The following CAST variants were observed in gnomAD, a reference collection of about 807,000 sequenced individuals.
CAST encodes MIR583 host.
Under a neutral mutation model 119.6 loss-of-function variants are expected in CAST, and 76 were observed. That is an observed-to-expected ratio of 0.64 (90% CI 0.53 to 0.77). The LOEUF (loss-of-function observed/expected upper bound fraction) is 0.77. Among genes scored for constraint, CAST ranks in the 30% least tolerant of loss-of-function variants. The pLI is 0.00. For synonymous variants in CAST, 319 were observed against 331.6 expected (o/e 0.96, Z 0.41); for missense variants, 953 against 946.5 (o/e 1.01, Z -0.09).
chr5:96,125,607 A>G, the CAST span, among the ~76,000 whole-genome samples: 1 of 152,170 alleles, frequency 6.6e-6, no homozygotes, highest in African/African-American at 2.4e-5. Context: ...TCCTATTTGC[A>G]TAAAGGATAT....
intron 29 of CAST, chr5:96,770,036 G>T (rs531636087): frequency 6.5e-6 from 1 of 154,262 alleles, no homozygotes; most frequent in Non-Finnish European, 1.4e-5. Context: ...TGGGAGTGCA[G>T]ATATCTTTAT....
intron 1 of CAST, among the ~76,000 whole-genome samples, chr5:96,544,975 AAGG>A (rs1162845603): frequency 6.6e-6 from 1 of 152,212 alleles, no homozygotes. Flanking sequence ...ATTTAAAAGA[AAGG>A]AGACTTCAGA....
chr5:96,213,942 A>G, the CAST span, among the ~76,000 whole-genome samples: 5 of 152,192 alleles, frequency 3.3e-5, no homozygotes, highest in Non-Finnish European at 7.3e-5. Flanking sequence ...CATATACAGG[A>G]CTATACAAAA....
chr5:96,154,377 A>G, the CAST span, among the ~76,000 whole-genome samples: 17 of 152,192 alleles, frequency 1.1e-4, no homozygotes, highest in Non-Finnish European at 2.1e-4. Context: ...TTTTTAAAAA[A>G]TAACTTAAAA....
intron 1 of CAST, among the ~76,000 whole-genome samples, chr5:96,619,855 C>T (rs556703570): frequency 2.0e-4 from 31 of 152,334 alleles, no homozygotes; most frequent in African/African-American, 7.5e-4. Context: ...AGAAACTCCT[C>T]AGTCTTAGGC....
chr5:95,968,428 A>G, the CAST span, among the ~76,000 whole-genome samples: 1 of 152,200 alleles, frequency 6.6e-6, no homozygotes, highest in Non-Finnish European at 1.5e-5. Context: ...AAAAGCTCAG[A>G]TTATGATTTT....
At chr5:96,114,467 T>A in the CAST span, among the ~76,000 whole-genome samples, 1 of 151,922 alleles carries the variant, frequency 6.6e-6, no homozygotes, top group Non-Finnish European at 1.5e-5. Flanking sequence ...CAAACTTTGG[T>A]GAATATAGGA....
At chr5:96,563,159 C>G (rs1317335456) in intron 1 of CAST, among the ~76,000 whole-genome samples, 1 of 152,018 alleles carries the variant, frequency 6.6e-6, no homozygotes, top group Admixed American at 6.6e-5. Flanking sequence ...CTCTTTTTGC[C>G]CCATTATAGT....
the CAST span, among the ~76,000 whole-genome samples, chr5:96,232,854 A>G: frequency 1.3e-5 from 2 of 152,218 alleles, no homozygotes; most frequent in South Asian, 4.1e-4. Flanking sequence ...TTTACTCCAA[A>G]TTTGTCTAGA....
the CAST span, among the ~76,000 whole-genome samples, chr5:95,992,725 C>G: frequency 2.6e-5 from 4 of 152,168 alleles, no homozygotes; most frequent in Non-Finnish European, 5.9e-5. Flanking sequence ...TTAGTTTTGA[C>G]AGATGTACCA....
intron 1 of CAST, among the ~76,000 whole-genome samples, chr5:96,628,577 A>C (rs1214579567): frequency 2.0e-5 from 3 of 152,208 alleles, no homozygotes; most frequent in Non-Finnish European, 2.9e-5. Context: ...AGCCAGCCAG[A>C]CAGATCTGCC....
the CAST span, among the ~76,000 whole-genome samples, chr5:96,330,562 C>T: frequency 6.6e-6 from 1 of 152,026 alleles, no homozygotes; most frequent in Admixed American, 6.5e-5. Context: ...TGCAGTTTAT[C>T]AGCCTCTATA....
the CAST span, among the ~76,000 whole-genome samples, chr5:96,028,299 C>G: frequency 6.6e-6 from 1 of 151,778 alleles, no homozygotes; most frequent in South Asian, 2.1e-4. Context: ...CAAACTAGTA[C>G]ATGGGAATAA....
the CAST span, among the ~76,000 whole-genome samples, chr5:96,120,735 T>C: frequency 6.1e-5 from 9 of 147,302 alleles, no homozygotes; most frequent in Middle Eastern, 7.1e-3. Flanking sequence ...AATATACATA[T>C]ATATAATAAT....
chr5:96,586,933 T>C (rs1746871044), intron 1 of CAST, among the ~76,000 whole-genome samples: 1 of 152,212 alleles, frequency 6.6e-6, no homozygotes, highest in Admixed American at 6.5e-5. Flanking sequence ...ATCTCCGTAT[T>C]ACAGATGAGG....
In CAST at chr5:96,741,579, A is replaced by G; in HGVS notation, c.1097A>G (p.Lys366Arg). 2 of 1,607,450 alleles carry G rather than the reference A, an allele frequency of 1.2e-6. No individual in the cohort carries two copies. The highest frequency in any genetic ancestry group is 2.2e-5 in the East Asian group (1 of 44,836). The change falls in exon 15 of 32, where the codon AAG (lysine) becomes AGG (arginine). Residue 366 changes from lysine (K) to arginine (R), a missense_variant and splice_region_variant. Coordinates refer to ENST00000675179, the MANE Select transcript of CAST (RefSeq NM_001750.7). ...CAAGAGAAGAAAAGAAAGGTGGAGA[A>G]GGTATAGTCACAGTCTACCTGACAG... ...PPQEKKRKVE[K>R]DTMSDQALEA...
At chr5:96,239,000 CT>C in the CAST span, among the ~76,000 whole-genome samples, 15 of 152,014 alleles carry the variant, frequency 9.9e-5, no homozygotes, top group African/African-American at 2.9e-4. Flanking sequence ...TCCAAACTTC[CT>C]TTCAGATTGG....
the CAST span, among the ~76,000 whole-genome samples, chr5:96,488,119 G>A: frequency 2.6e-5 from 4 of 152,192 alleles, no homozygotes; most frequent in African/African-American, 9.7e-5. Context: ...AGAATCAAGT[G>A]AGGTTGGGAA....
chr5:95,995,073 C>T, the CAST span, among the ~76,000 whole-genome samples: 1 of 152,058 alleles, frequency 6.6e-6, no homozygotes, highest in African/African-American at 2.4e-5. Flanking sequence ...TGTTTCAACC[C>T]TTGGAGCAGC....
Sources: gnomAD v4.1 joint callset for allele counts (sites outside exome capture counted in the v4.1 genomes callset) on GRCh38, gnomAD v4.1.1 for gene constraint, MANE v1.5 for transcripts, NCBI Gene and HGNC (gene_info 2026-07-23, HGNC 2026-07-21) for gene names.